The following ZCCHC2 variants were observed in gnomAD, a reference collection of about 807,000 sequenced individuals.
ZCCHC2 encodes zinc finger CCHC domain-containing protein 2.
Under a neutral mutation model 103.6 loss-of-function variants are expected in ZCCHC2, and 39 were observed. The ratio of observed to expected loss-of-function variants is 0.38; its 90% CI spans 0.29 to 0.49. The LOEUF (loss-of-function observed/expected upper bound fraction) is 0.49. Ranked by LOEUF, ZCCHC2 falls within the 20% of genes least tolerant of loss-of-function variation. The pLI is 0.96. For synonymous variants in ZCCHC2, 687 were observed against 608.9 expected (o/e 1.13, Z -1.89); for missense variants, 1,483 against 1,491.0 (o/e 0.99, Z 0.09).
intron 1 of ZCCHC2, among the ~76,000 whole-genome samples, chr18:62,531,735 C>G (rs1432361451): frequency 6.6e-6 from 1 of 151,302 alleles, no homozygotes; most frequent in African/African-American, 2.4e-5. Context: ...TCGCTTGAGC[C>G]CAGGAGTTTG....
At chr18:62,560,081 A>G (rs1201926531) in intron 7 of ZCCHC2, among the ~76,000 whole-genome samples, 1 of 152,242 alleles carries the variant, frequency 6.6e-6, no homozygotes, top group Non-Finnish European at 1.5e-5. Context: ...AACTTGCACT[A>G]GAATGTTTCA....
chr18:62,553,156 A>ATGTGTGTGTGTGTGTGTGTGTGTG (rs142422088), intron 5 of ZCCHC2, among the ~76,000 whole-genome samples: 1 of 139,742 alleles, frequency 7.2e-6, no homozygotes, highest in Admixed American at 7.1e-5. Context: ...CCTTAGATTT[A>ATGTGTGTGTGTGTGTGTGTGTGTG]TGTGTGTGTG....
At chr18:62,543,510 C>T (rs145254243) in intron 3 of ZCCHC2, among the ~76,000 whole-genome samples, 2 of 152,252 alleles carry the variant, frequency 1.3e-5, no homozygotes, top group East Asian at 1.9e-4. Flanking sequence ...CTGCGGCATG[C>T]GTCTCGCTCT....
At chr18:62,557,968 G>C (rs1037621355) in intron 6 of ZCCHC2, among the ~76,000 whole-genome samples, 1 of 151,160 alleles carries the variant, frequency 6.6e-6, no homozygotes. Flanking sequence ...TATCTGAGTT[G>C]TTTCACTAGT....
At position 62,560,575 on chromosome 18, in the gene ZCCHC2, C is replaced by G. The variant is rs1222340057; in HGVS notation, c.1493-12C>G. The G allele has an allele frequency of 6.2e-7, 1 of 1,609,412 alleles. No homozygotes were observed. Among genetic ancestry groups the G allele is most frequent in the East Asian group, 2.2e-5 (1 of 44,770 alleles). The stretch of plus-strand genomic sequence containing the variant: ...CATTTAGTGTAATAAGTTACTTTTT[C>G]CTCTCTTCTAGATGTGTTGCAGCAT... On this transcript the variant is annotated splice_polypyrimidine_tract_variant and intron_variant, in intron 7 of 13. Transcript: ENST00000269499.
chr18:62,527,065 A>G (rs1914457122), intron 1 of ZCCHC2: 1 of 129,248 alleles, frequency 7.7e-6, no homozygotes, highest in Admixed American at 9.3e-5. Flanking sequence ...TGCAATTTTA[A>G]TTGGGAGTCA....
At chr18:62,560,373 G>T (rs1916064688) in intron 7 of ZCCHC2, 1 of 404,526 alleles carries the variant, frequency 2.5e-6, no homozygotes. Context: ...TTGATTTGCT[G>T]TTAGGTGGAA....
At chr18:62,571,820 CT>C (rs1916609294) in intron 12 of ZCCHC2, among the ~76,000 whole-genome samples, 1 of 152,200 alleles carries the variant, frequency 6.6e-6, no homozygotes, top group African/African-American at 2.4e-5. Context: ...GTGACATTAG[CT>C]TCTTTCTGTG....
Position 62,542,549 on chromosome 18 carries a change from A to G in ZCCHC2, c.1103A>G (p.Asp368Gly). 1.3e-6 allele frequency: 2 copies of G among 1,565,006 alleles called. No homozygotes were observed. Among genetic ancestry groups the G allele is most frequent in the Non-Finnish European group, 1.7e-6 (2 of 1,153,334 alleles). Residue 368 changes from aspartate (D) to glycine (G), a missense_variant, in exon 3 of 14, where the codon GAC (aspartate) becomes GGC (glycine). Coordinates refer to ENST00000269499, the MANE Select transcript of ZCCHC2 (RefSeq NM_017742.6). ...MLKGVQRKRA[D>G]KYWEYTFKVN... ...AAAGGAGTCCAGAGAAAAAGAGCTG[A>G]CAAATACTGGGAGTACACTTTCAAA...
In ZCCHC2 at chr18:62,564,899, A is replaced by G. The variant is rs528250186; in HGVS notation, c.1752-103A>G. ...AATTGTATTTAGATTATTCCTTACT[A>G]AAAAAATTTGAAGAGTCTTGAAGGA... On this transcript the variant is annotated intron_variant, in intron 10 of 13. Transcript: ENST00000269499. 9 of 855,770 alleles carry G rather than the reference A, an allele frequency of 1.1e-5. No homozygotes were observed. In the African/African-American group the frequency reaches 1.5e-4, roughly 15 times the overall value. The allele number at this position is 855,770 out of a possible 1,614,324, so 53.0% of individuals were successfully genotyped here. A position where few individuals can be genotyped will look rare whatever the true frequency, so the allele number is the denominator to read the frequency against.
intron 5 of ZCCHC2, among the ~76,000 whole-genome samples, chr18:62,555,508 C>T (rs146916049): frequency 4.6e-5 from 7 of 152,228 alleles, no homozygotes; most frequent in East Asian, 1.9e-4. Flanking sequence ...TGGGAATGCC[C>T]GTTAATACTA....
At chr18:62,558,035 T>C (rs1012594116) in intron 6 of ZCCHC2, among the ~76,000 whole-genome samples, 1 of 151,962 alleles carries the variant, frequency 6.6e-6, no homozygotes, top group African/African-American at 2.4e-5. Flanking sequence ...TTTTTTTAAT[T>C]GATAGCTTTA....
chr18:62,559,559 G>A (rs1415870764), intron 7 of ZCCHC2, among the ~76,000 whole-genome samples: 2 of 152,216 alleles, frequency 1.3e-5, no homozygotes, highest in Admixed American at 6.5e-5. Context: ...TATTTTGGAC[G>A]AAATTTGGTG....
chr18:62,540,424 C>T (rs1402394381), intron 2 of ZCCHC2, among the ~76,000 whole-genome samples: 4 of 144,002 alleles, frequency 2.8e-5, no homozygotes, highest in Admixed American at 6.7e-5. Flanking sequence ...GAATTTATGT[C>T]ATTATGTCTC....
chr18:62,556,055 A>G, intron 5 of ZCCHC2, 148 bp from the exon 6 acceptor site: 2 of 613,596 alleles, frequency 3.3e-6, no homozygotes, highest in South Asian at 2.4e-5. Flanking sequence ...TAGGAAATAC[A>G]TTAGAAAATA....
intron 13 of ZCCHC2, among the ~76,000 whole-genome samples, 152 bp from the exon 14 acceptor site, chr18:62,576,360 C>G (rs983942604): frequency 6.6e-6 from 1 of 152,230 alleles, no homozygotes; most frequent in Admixed American, 6.5e-5. Flanking sequence ...CTTTACATTG[C>G]TTTTTAAAGT....
chr18:62,546,393 C>T (rs904499872), intron 4 of ZCCHC2, among the ~76,000 whole-genome samples: 1 of 152,194 alleles, frequency 6.6e-6, no homozygotes, highest in African/African-American at 2.4e-5. Context: ...CTTTTACAAG[C>T]CCTTCTAATT....
At chr18:62,531,810 A>G (rs1382356676) in intron 1 of ZCCHC2, among the ~76,000 whole-genome samples, 1 of 151,710 alleles carries the variant, frequency 6.6e-6, no homozygotes, top group African/African-American at 2.4e-5. Flanking sequence ...AAAAAAAAAA[A>G]AAAATGTTAG....
At position 62,539,625 on chromosome 18, in the gene ZCCHC2, G is replaced by A; in HGVS notation, c.940-56G>A. The A allele has an allele frequency of 3.4e-6, 5 of 1,454,776 alleles. No individual in the cohort carries two copies. The Admixed American group carries it at 1.0e-4, about 30-fold the overall frequency. 90.1% of individuals were successfully genotyped at this position (1,454,776 alleles called of 1,614,324 possible). On this transcript the variant is annotated intron_variant, in intron 1 of 13. Transcript: ENST00000269499. ...GTAAAATGAGAAGACCTAAATCTGT[G>A]ATTATTACTCTTAGTCCATGGTTTA... is the stretch of plus-strand genomic sequence containing the variant.
Sources: gnomAD v4.1 joint callset for allele counts (sites outside exome capture counted in the v4.1 genomes callset) on GRCh38, gnomAD v4.1.1 for gene constraint, MANE v1.5 for transcripts, NCBI Gene and HGNC (gene_info 2026-07-23, HGNC 2026-07-21) for gene names.